The following BABAM2 variants were observed in gnomAD, a reference collection of about 807,000 sequenced individuals.
BABAM2 encodes BRISC and BRCA1 A complex member 2, also known as BRISC and BRCA1-A complex member 2.
BABAM2 carries 31 observed loss-of-function variants against 54.7 expected under a neutral mutation model. The observed-to-expected ratio is 0.57, with a 90% CI of 0.43 to 0.77. The LOEUF (loss-of-function observed/expected upper bound fraction) is 0.77. Among genes scored for constraint, BABAM2 ranks in the 30% least tolerant of loss-of-function variants. BABAM2 has a pLI of 0.00. For missense variants in BABAM2, 364 were observed against 455.8 expected, an observed-to-expected ratio of 0.80 and a Z score of 1.83; for synonymous variants, 167 against 162.9, an observed-to-expected ratio of 1.03 and a Z score of -0.19.
chr2:28,195,415 T>G (rs1300000733), intron 7 of BABAM2, among the ~76,000 whole-genome samples: 2 of 152,220 alleles, frequency 1.3e-5, no homozygotes, highest in Non-Finnish European at 2.9e-5. Flanking sequence ...TCAAGATAGT[T>G]TATTGTCTTT....
intron 6 of BABAM2, among the ~76,000 whole-genome samples, chr2:28,075,109 TAAG>T (rs1041939097): frequency 1.5e-4 from 23 of 152,274 alleles, no homozygotes; most frequent in African/African-American, 4.8e-4. Context: ...TACAAAGTCT[TAAG>T]AAGGCAGCTG....
chr2:28,119,105 A>G (rs1184239788), intron 6 of BABAM2, among the ~76,000 whole-genome samples: 2 of 152,170 alleles, frequency 1.3e-5, no homozygotes, highest in Admixed American at 6.5e-5. Context: ...TACCAGTACT[A>G]TGCTGTTTTG....
chr2:28,282,004 G>A (rs1411798143), intron 10 of BABAM2, among the ~76,000 whole-genome samples: 2 of 152,204 alleles, frequency 1.3e-5, no homozygotes, highest in Non-Finnish European at 1.5e-5. Context: ...GAAGTGCCAA[G>A]CCTTCAGGCT....
At chr2:27,990,486 G>T (rs1043537779) in intron 4 of BABAM2, among the ~76,000 whole-genome samples, 4 of 152,114 alleles carry the variant, frequency 2.6e-5, no homozygotes, top group African/African-American at 7.2e-5. Flanking sequence ...AATGAAGGGG[G>T]AATACAAATT....
chr2:28,314,357 C>T (rs2148289411), intron 11 of BABAM2, among the ~76,000 whole-genome samples: 1 of 152,266 alleles, frequency 6.6e-6, no homozygotes, highest in East Asian at 1.9e-4. Flanking sequence ...TGAGCATATA[C>T]CTTGGCTTTC....
At chr2:28,228,507 A>G (rs1370952142) in intron 7 of BABAM2, among the ~76,000 whole-genome samples, 1 of 152,196 alleles carries the variant, frequency 6.6e-6, no homozygotes, top group African/African-American at 2.4e-5. Context: ...CCTATTTAAG[A>G]GCAGTAAAGC....
chr2:28,239,522 A>G (rs1171699502), intron 8 of BABAM2, among the ~76,000 whole-genome samples: 1 of 152,256 alleles, frequency 6.6e-6, no homozygotes, highest in Non-Finnish European at 1.5e-5. Flanking sequence ...AGAAACTGTC[A>G]TTGGGTGATA....
chr2:28,160,208 C>T (rs1477352665), intron 7 of BABAM2, among the ~76,000 whole-genome samples: 2 of 152,134 alleles, frequency 1.3e-5, no homozygotes, highest in Non-Finnish European at 2.9e-5. Context: ...TCTTGAACTC[C>T]TGGCCTCAGG....
chr2:28,200,339 C>G (rs751746776), intron 7 of BABAM2, among the ~76,000 whole-genome samples: 26 of 152,188 alleles, frequency 1.7e-4, no homozygotes, highest in Non-Finnish European at 3.2e-4. Flanking sequence ...TTACCCTCTA[C>G]TAATGGAAGG....
At position 28,129,379 on chromosome 2, in the gene BABAM2, CAGTA is replaced by C. The variant is rs1336703946; in HGVS notation, c.680+3_680+6del. 6.2e-7 allele frequency: 1 copy of C among 1,609,660 alleles called. No homozygotes were observed. Among genetic ancestry groups the C allele is most frequent in the Non-Finnish European group, 8.5e-7 (1 of 1,175,928 alleles). On this transcript the variant is annotated splice_donor_variant and splice_donor_region_variant and coding_sequence_variant and intron_variant, in exon 7 of 12. Transcript: ENST00000379624. LOFTEE classifies it high-confidence loss of function. ...GCTGTACTTGTCACCTCGAATTGAG[CAGTA>C]AGTGTCATTAACATGAGGTAGCCTG...
Position 28,129,300 on chromosome 2 carries a change from G to T in BABAM2, c.600G>T (p.Val200=). Residue 200 remains valine (V), a synonymous_variant, in exon 7 of 12, where the codon GTG becomes GTT. Coordinates refer to ENST00000379624, the MANE Select transcript of BABAM2 (RefSeq NM_199191.3). ...KDVNEDPGED[V]ALLSVSFEDT... ...TAAATGAAGACCCTGGAGAAGATGT[G>T]GCCCTCCTCTCTGTTAGTTTTGAGG... 1 of 1,614,022 alleles carries T rather than the reference G, an allele frequency of 6.2e-7. No homozygotes were observed. The highest frequency in any genetic ancestry group is 8.5e-7 in the Non-Finnish European group (1 of 1,179,904).
intron 6 of BABAM2, among the ~76,000 whole-genome samples, chr2:28,124,706 A>G (rs1163258301): frequency 6.6e-6 from 1 of 152,218 alleles, no homozygotes; most frequent in East Asian, 1.9e-4. Context: ...TCCTGCTCTT[A>G]CCCACTTATC....
At chr2:28,069,157 C>A (rs143410564) in intron 6 of BABAM2, among the ~76,000 whole-genome samples, 4 of 152,256 alleles carry the variant, frequency 2.6e-5, no homozygotes, top group African/African-American at 9.6e-5. Flanking sequence ...TTTCTCCAGG[C>A]GTTTTTCTTA....
intron 4 of BABAM2, among the ~76,000 whole-genome samples, chr2:28,013,707 A>ACACT (rs1674580811): frequency 1.4e-5 from 2 of 143,906 alleles, no homozygotes; most frequent in Non-Finnish European, 3.0e-5. Flanking sequence ...ACACACACAC[A>ACACT]CACACACACA....
chr2:27,910,759 C>T (rs984590258), intron 2 of BABAM2, among the ~76,000 whole-genome samples: 8 of 152,254 alleles, frequency 5.3e-5, no homozygotes, highest in South Asian at 2.1e-4. Context: ...TTGTAGATCA[C>T]CCATTTTTCT....
chr2:28,250,844 C>A (rs1683408114), intron 10 of BABAM2, among the ~76,000 whole-genome samples: 1 of 152,076 alleles, frequency 6.6e-6, no homozygotes. Flanking sequence ...CGTGATCTAC[C>A]CGCCATGGCT....
chr2:28,061,357 G>A (rs150293561), intron 6 of BABAM2, among the ~76,000 whole-genome samples: 5 of 151,328 alleles, frequency 3.3e-5, no homozygotes, highest in Non-Finnish European at 7.4e-5. Context: ...AGGCCGAGGC[G>A]GGCAGATCAC....
At chr2:27,904,222 A>C (rs1313909913) in intron 2 of BABAM2, among the ~76,000 whole-genome samples, 1 of 152,246 alleles carries the variant, frequency 6.6e-6, no homozygotes, top group Non-Finnish European at 1.5e-5. Flanking sequence ...TTTTCAGACC[A>C]AACATTGCGT....
chr2:28,147,294 A>G (rs1671580699), intron 7 of BABAM2, among the ~76,000 whole-genome samples: 1 of 152,154 alleles, frequency 6.6e-6, no homozygotes, highest in Non-Finnish European at 1.5e-5. Flanking sequence ...ATCATTCTTA[A>G]TGTTCTTTTA....
Sources: allele counts gnomAD v4.1 joint callset (sites outside exome capture counted in the v4.1 genomes callset), GRCh38; gene constraint gnomAD v4.1.1; transcripts MANE v1.5; gene names NCBI Gene and HGNC (gene_info 2026-07-23, HGNC 2026-07-21).